TCEANC2: variants seen among roughly 807,000 people sequenced by gnomAD.
TCEANC2 encodes transcription elongation factor A N-terminal and central domain-containing protein 2.
A neutral mutation model predicts 22.8 loss-of-function variants in TCEANC2; 20 were observed. The ratio of observed to expected loss-of-function variants is 0.88; its 90% CI spans 0.62 to 1.28. TCEANC2 has a LOEUF of 1.28. Ranked by LOEUF, TCEANC2 falls within the 50% of genes most tolerant of loss-of-function variation. The probability of loss-of-function intolerance (pLI) is 0.00; values close to 1 mark genes in which losing one functional copy is unlikely to be tolerated. For missense variants in TCEANC2, 251 were observed against 249.7 expected, an observed-to-expected ratio of 1.01 and a Z score of -0.03; for synonymous variants, 84 against 95.5, an observed-to-expected ratio of 0.88 and a Z score of 0.70.
intron 2 of TCEANC2, among the ~76,000 whole-genome samples, chr1:54,061,714 G>C (rs1191860678): frequency 1.3e-5 from 2 of 151,948 alleles, no homozygotes; most frequent in Non-Finnish European, 2.9e-5. Flanking sequence ...TAGATAATCT[G>C]GGTTCATAGT....
chr1:54,078,613 A>T (rs1238628003), intron 3 of TCEANC2, among the ~76,000 whole-genome samples: 1 of 152,196 alleles, frequency 6.6e-6, no homozygotes, highest in Admixed American at 6.5e-5. Context: ...ATTAAGTGGA[A>T]ATGTCCAGCA....
chr1:54,089,935 G>A (rs770167907), intron 4 of TCEANC2: 13 of 758,930 alleles, frequency 1.7e-5, no homozygotes, highest in East Asian at 5.6e-5. Context: ...CAGAGCCACC[G>A]GAAACGTACA....
chr1:54,075,492 G>A (rs1285928912), intron 3 of TCEANC2, among the ~76,000 whole-genome samples: 1 of 152,148 alleles, frequency 6.6e-6, no homozygotes, highest in African/African-American at 2.4e-5. Context: ...TAGTGATTGG[G>A]CCTGATTATA....
intron 2 of TCEANC2, among the ~76,000 whole-genome samples, chr1:54,068,398 G>T (rs543280641): frequency 1.2e-4 from 19 of 152,182 alleles, no homozygotes; most frequent in African/African-American, 4.6e-4. Context: ...TTCCCTGCTC[G>T]CTGTTCTTGC....
chr1:54,063,449 G>A (rs1012343471), intron 2 of TCEANC2, among the ~76,000 whole-genome samples: 2 of 152,150 alleles, frequency 1.3e-5, no homozygotes, highest in Non-Finnish European at 2.9e-5. Flanking sequence ...ATCCACTAAT[G>A]CTCATGTCTG....
chr1:54,061,950 T>G (rs544273372), intron 2 of TCEANC2, among the ~76,000 whole-genome samples: 7 of 152,372 alleles, frequency 4.6e-5, no homozygotes, highest in Non-Finnish European at 8.8e-5. Context: ...GGTTAATCTC[T>G]TTTTACTCCC....
intron 3 of TCEANC2, among the ~76,000 whole-genome samples, chr1:54,070,106 A>G (rs560704392): frequency 1.3e-5 from 2 of 152,328 alleles, no homozygotes; most frequent in African/African-American, 4.8e-5. Flanking sequence ...GCCCCCCAAG[A>G]GTCTTAGAGT....
chr1:54,056,682 C>T (rs57843047), intron 2 of TCEANC2, among the ~76,000 whole-genome samples: 5,607 of 152,058 alleles, frequency 0.037, 276 homozygotes, highest in East Asian at 0.21. Context: ...GGTTCCTGCT[C>T]GTGCCCTAGT....
At chr1:54,084,691 G>A (rs981786309) in intron 3 of TCEANC2, among the ~76,000 whole-genome samples, 1 of 151,762 alleles carries the variant, frequency 6.6e-6, no homozygotes, top group Non-Finnish European at 1.5e-5. Flanking sequence ...GCAAAACCCC[G>A]TCTCTACTAA....
Position 54,098,952 on chromosome 1 carries a change from G to C in TCEANC2, c.*2479G>C, listed in dbSNP as rs189778946. On this transcript the variant is annotated 3_prime_UTR_variant, in exon 5 of 5. Transcript: ENST00000234827. ...CTGGAAGGTGATTGGTATGGCTGGA[G>C]TAGAGGACACTGGCAGGAGAGTAGC... 2.0e-5 allele frequency: 3 copies of C among 152,760 alleles called. No individual in the cohort carries two copies. The East Asian group carries it at 5.8e-4, about 29-fold the overall frequency. The allele number at this position is 152,760 out of a possible 1,614,324, so 9.5% of individuals were successfully genotyped here.
At chr1:54,069,770 A>G (rs147687444) in intron 3 of TCEANC2, among the ~76,000 whole-genome samples, 6 of 152,354 alleles carry the variant, frequency 3.9e-5, no homozygotes, top group Non-Finnish European at 5.9e-5. Context: ...AAGGCTTCAT[A>G]GAAGAGGTGA....
At chr1:54,088,953 T>C (rs2100381657) in intron 4 of TCEANC2, among the ~76,000 whole-genome samples, 163 bp downstream of exon 4, 1 of 152,344 alleles carries the variant, frequency 6.6e-6, no homozygotes, top group Non-Finnish European at 1.5e-5. Flanking sequence ...GCTGTGGCTT[T>C]ATTTTAACCA....
At chr1:54,088,818 A>G (rs1658389716) in intron 4 of TCEANC2, 28 bp downstream of exon 4, 1 of 1,452,020 alleles carries the variant, frequency 6.9e-7, no homozygotes, top group Non-Finnish European at 9.2e-7. Context: ...TACAACTGTT[A>G]TGTACCCATA....
intron 3 of TCEANC2, among the ~76,000 whole-genome samples, chr1:54,084,140 G>A (rs1322046541): frequency 6.6e-6 from 1 of 151,946 alleles, no homozygotes; most frequent in Non-Finnish European, 1.5e-5. Context: ...AGCCTCCTGA[G>A]TAGCTGGAAT....
At position 54,104,610 on chromosome 1, in the gene TCEANC2, C is replaced by T. The variant is rs560944181; in HGVS notation, c.*8137C>T. The T allele has an allele frequency of 3.0e-4, 134 of 451,924 alleles. No homozygotes were observed. Among genetic ancestry groups the T allele is most frequent in the South Asian group, 1.9e-3 (123 of 63,948 alleles). 28.0% of individuals were successfully genotyped at this position (451,924 alleles called of 1,614,324 possible). A position where few individuals can be genotyped will look rare whatever the true frequency, so the allele number is the denominator to read the frequency against. ...AGGCTGGAGTGCAGTGGCACCATCT[C>T]GGCTCACTGCAACCTCTGCCTCCTG... is the stretch of plus-strand genomic sequence containing the variant. On this transcript the variant is annotated 3_prime_UTR_variant, in exon 5 of 5. Transcript: ENST00000234827.
At chr1:54,089,242 C>G (rs1167351894) in intron 4 of TCEANC2, among the ~76,000 whole-genome samples, 2 of 152,106 alleles carry the variant, frequency 1.3e-5, no homozygotes, top group Non-Finnish European at 2.9e-5. Flanking sequence ...TGGTTACTTC[C>G]CATTTAAAAT....
chr1:54,093,726 CAG>C (rs1658489222), intron 4 of TCEANC2, among the ~76,000 whole-genome samples: 1 of 137,242 alleles, frequency 7.3e-6, no homozygotes, highest in Admixed American at 7.9e-5. Flanking sequence ...AAGATACTCT[CAG>C]AGTACTTTTT....
chr1:54,095,672 T>C (rs1204130160), intron 4 of TCEANC2, among the ~76,000 whole-genome samples: 2 of 152,062 alleles, frequency 1.3e-5, no homozygotes, highest in African/African-American at 4.8e-5. Context: ...CTCGGAATGT[T>C]GAAGGGGCCA....
intron 3 of TCEANC2, among the ~76,000 whole-genome samples, chr1:54,085,239 GT>G (rs1658317190): frequency 6.6e-6 from 1 of 152,188 alleles, no homozygotes; most frequent in East Asian, 1.9e-4. Context: ...ACAATTGCTT[GT>G]TTAAGCCCTA....
Sources: gnomAD v4.1 joint callset for allele counts (sites outside exome capture counted in the v4.1 genomes callset) on GRCh38, gnomAD v4.1.1 for gene constraint, MANE v1.5 for transcripts, NCBI Gene and HGNC (gene_info 2026-07-23, HGNC 2026-07-21) for gene names.